ACOT12: variants seen among roughly 807,000 people sequenced by gnomAD.
ACOT12 encodes the protein acyl-CoA thioesterase 12, also known as acetyl-coenzyme A thioesterase.
ACOT12 carries 51 observed loss-of-function variants against 67.7 expected under a neutral mutation model. The ratio of observed to expected loss-of-function variants is 0.75; its 90% CI spans 0.60 to 0.95. The LOEUF is 0.95. Among genes scored for constraint, ACOT12 ranks in the 40% least tolerant of loss-of-function variants. The pLI, the probability that ACOT12 is intolerant of heterozygous loss-of-function variation, is 0.00. For missense variants in ACOT12, 734 were observed against 708.1 expected (o/e 1.04, Z -0.41); for synonymous variants, 251 against 244.6 (o/e 1.03, Z -0.24).
At chr5:81,347,988 C>T in intron 5 of ACOT12, 58 bp from the exon 6 acceptor site, 1 of 1,546,104 alleles carries the variant, frequency 6.5e-7, no homozygotes, top group East Asian at 2.3e-5. Flanking sequence ...CCTGGGGCTC[C>T]AGCTTTTCCT....
chr5:81,332,621 A>G lies in ACOT12; in HGVS notation c.1263-16T>C. The G allele has an allele frequency of 6.2e-7, 1 of 1,613,136 alleles. No individual in the cohort carries two copies. ...TTCACAGGACCTGTGTATATAGAAC[A>G]GTGAAAAGCAGGTATACTTTCTACC... On this transcript the variant is annotated splice_polypyrimidine_tract_variant and intron_variant, in intron 12 of 14. Coordinates refer to ENST00000307624, the MANE Select transcript of ACOT12 (RefSeq NM_130767.3).
intron 5 of ACOT12, among the ~76,000 whole-genome samples, chr5:81,354,494 G>C (rs1580555367): frequency 6.6e-6 from 1 of 152,090 alleles, no homozygotes; most frequent in Non-Finnish European, 1.5e-5. Flanking sequence ...TTACCTTGAG[G>C]GGGGTGTGAA....
chr5:81,374,160 T>C (rs373143100), intron 2 of ACOT12, among the ~76,000 whole-genome samples: 1 of 152,204 alleles, frequency 6.6e-6, no homozygotes, highest in East Asian at 1.9e-4. Flanking sequence ...GAATCTTTGC[T>C]GTTCTGCAGC....
At chr5:81,332,630 C>T (rs376232822) in intron 12 of ACOT12, 25 bp from the exon 13 acceptor site, 22 of 1,612,762 alleles carry the variant, frequency 1.4e-5, no homozygotes, top group African/African-American at 4.0e-5. Flanking sequence ...CAGTGAAAAG[C>T]AGGTATACTT....
chr5:81,356,181 G>A (rs937558679), intron 5 of ACOT12, among the ~76,000 whole-genome samples: 1 of 152,114 alleles, frequency 6.6e-6, no homozygotes, highest in Non-Finnish European at 1.5e-5. Context: ...AAGTAATTAA[G>A]GTCATCCAAG....
At chr5:81,375,839 A>T (rs1041850145) in intron 2 of ACOT12, among the ~76,000 whole-genome samples, 5 of 152,064 alleles carry the variant, frequency 3.3e-5, no homozygotes, top group African/African-American at 1.2e-4. Flanking sequence ...ATTCATAGAG[A>T]AAGTTCTTAG....
downstream of ACOT12, among the ~76,000 whole-genome samples, chr5:81,329,500 G>A (rs142132357): frequency 1.0e-3 from 153 of 152,252 alleles, no homozygotes; most frequent in South Asian, 0.015. Context: ...GGGTTGGTAG[G>A]GGGAGCAGAG....
At chr5:81,383,808 TTTTTAAACA>T (rs1760654199) in intron 2 of ACOT12, among the ~76,000 whole-genome samples, 1 of 152,102 alleles carries the variant, frequency 6.6e-6, no homozygotes, top group East Asian at 1.9e-4. Context: ...AAGAAAAATA[TTTTTAAACA>T]GCTCTATAAA....
At position 81,385,113 on chromosome 5, in the gene ACOT12, A is replaced by T. The variant is rs776249107; in HGVS notation, c.197+644T>A. Among the ~76,000 whole-genome samples, 25 of 152,156 alleles carry T rather than the reference A, an allele frequency of 1.6e-4. 1 individual carries two copies. Among genetic ancestry groups the T allele is most frequent in the Non-Finnish European group, 2.9e-4 (20 of 68,028 alleles). ...ATTCACCATTATAAAGATACTTATTATCATTAATTATTCTTCTAGTACAGG... is the reference window on the plus strand; with the variant it reads ...ATTCACCATTATAAAGATACTTATTTTCATTAATTATTCTTCTAGTACAGG... On this transcript the variant is annotated intron_variant, in intron 2 of 14. Coordinates refer to ENST00000307624, the MANE Select transcript of ACOT12 (RefSeq NM_130767.3).
At chr5:81,362,913 T>C (rs1013368110) in intron 4 of ACOT12, among the ~76,000 whole-genome samples, 2 of 152,166 alleles carry the variant, frequency 1.3e-5, no homozygotes, top group Non-Finnish European at 2.9e-5. Flanking sequence ...ATGTTTAATG[T>C]TAGACTGAGA....
rs180934419 is a variant in ACOT12, at chr5:81,373,540, G to A, written c.198-1730C>T. 2.6e-3 allele frequency among the ~76,000 whole-genome samples: 392 copies of A among 152,320 alleles called. 1 individual carries two copies. Among genetic ancestry groups the A allele is most frequent in the African/African-American group, 9.1e-3 (378 of 41,572 alleles). ...CAAAACCATTCATTCCCCTGGAAAG[G>A]GGGCTGAAGCCAGGGAGCCGAGTGG... On this transcript the variant is annotated intron_variant, in intron 2 of 14. Coordinates refer to ENST00000307624, the MANE Select transcript of ACOT12 (RefSeq NM_130767.3).
chr5:81,377,662 G>A (rs1367515088), intron 2 of ACOT12, among the ~76,000 whole-genome samples: 1 of 152,194 alleles, frequency 6.6e-6, no homozygotes, highest in African/African-American at 2.4e-5. Flanking sequence ...CAAAATCAAT[G>A]TGCAAAAATC....
chr5:81,381,069 T>A (rs1289058637), intron 2 of ACOT12, among the ~76,000 whole-genome samples: 1 of 142,152 alleles, frequency 7.0e-6, no homozygotes, highest in African/African-American at 2.6e-5. Flanking sequence ...TATTAAAACC[T>A]TTTTTTTTTT....
At chr5:81,339,596 C>A (rs1400716244) in intron 11 of ACOT12, among the ~76,000 whole-genome samples, 1 of 152,214 alleles carries the variant, frequency 6.6e-6, no homozygotes, top group East Asian at 1.9e-4. Context: ...CTCTAAAGTT[C>A]TCCCTATATA....
intron 2 of ACOT12, among the ~76,000 whole-genome samples, chr5:81,375,001 G>A (rs1760365821): frequency 6.6e-6 from 1 of 152,084 alleles, no homozygotes; most frequent in South Asian, 2.1e-4. Flanking sequence ...TACCACAAAG[G>A]TACTTCTTGA....
intron 5 of ACOT12, among the ~76,000 whole-genome samples, chr5:81,357,127 C>T (rs574220787): frequency 6.6e-6 from 1 of 152,122 alleles, no homozygotes; most frequent in African/African-American, 2.4e-5. Flanking sequence ...CTCACTGCTA[C>T]GCAATTCCTC....
chr5:81,370,290 C>CA (rs202067104), intron 3 of ACOT12, among the ~76,000 whole-genome samples: 13 of 150,738 alleles, frequency 8.6e-5, no homozygotes, highest in East Asian at 1.9e-4. Flanking sequence ...AAAGCAAAAA[C>CA]AAAAAAAAAG....
intron 2 of ACOT12, among the ~76,000 whole-genome samples, chr5:81,375,192 T>C (rs1372126873): frequency 3.3e-5 from 5 of 152,232 alleles, no homozygotes; most frequent in African/African-American, 1.2e-4. Flanking sequence ...ATATTCAACA[T>C]TCTTAAAGAA....
At chr5:81,312,438 T>C in the ACOT12 span, 1 of 815,472 alleles carries the variant, frequency 1.2e-6, no homozygotes, top group South Asian at 1.7e-5. Context: ...TCCCTCCTTG[T>C]GATTATTCAT....
Sources: allele counts gnomAD v4.1 joint callset (sites outside exome capture counted in the v4.1 genomes callset), GRCh38; gene constraint gnomAD v4.1.1; transcripts MANE v1.5; gene names NCBI Gene and HGNC (gene_info 2026-07-23, HGNC 2026-07-21).